PTPRT: variants seen among roughly 807,000 people sequenced by gnomAD.
PTPRT encodes the protein receptor-type tyrosine-protein phosphatase T.
In PTPRT, 56 loss-of-function variants were observed where a neutral mutation model predicts 176.8. The observed-to-expected ratio is 0.32, with a 90% CI of 0.26 to 0.40. PTPRT has a LOEUF of 0.40. PTPRT is among the 10% of genes least tolerant of loss of function. The probability of loss-of-function intolerance (pLI) is 1.00; values close to 1 mark genes in which losing one functional copy is unlikely to be tolerated. For synonymous variants in PTPRT, 783 were observed against 739.0 expected (o/e 1.06, Z -0.96); for missense variants, 1,540 against 1,908.2 (o/e 0.81, Z 3.60).
chr20:42,062,765 CTT>C, the PTPRT span, among the ~76,000 whole-genome samples: 11 of 152,164 alleles, frequency 7.2e-5, no homozygotes, highest in East Asian at 1.2e-3. Context: ...AATTTTCTCT[CTT>C]TGGTTGATTC....
intron 9 of PTPRT, among the ~76,000 whole-genome samples, chr20:42,426,987 C>A (rs368956586): frequency 6.6e-6 from 1 of 152,110 alleles, no homozygotes; most frequent in Non-Finnish European, 1.5e-5. Flanking sequence ...CAGTAGCTGT[C>A]AAACATGGTG....
Position 42,248,770 on chromosome 20 carries a change from G to T in PTPRT, c.2229C>A (p.Asn743Lys). Residue 743 changes from asparagine (N) to lysine (K), a missense_variant, in exon 14 of 31, where the codon AAC (asparagine) becomes AAA (lysine). This residue lies in a region of PTPRT where 255 missense variants were observed against 250.1 expected (regional missense o/e 1.02). Transcript: ENST00000373187. ...NTVEPEKQVD[N>K]TVKMAGVIAG... ...CGATCACGCCAGCCATCTTCACGGT[G>T]TTGTCCACCTGCTTCTCTGGCTCCA... is the stretch of plus-strand genomic sequence containing the variant. 2.5e-6 allele frequency: 4 copies of T among 1,614,084 alleles called. No individual in the cohort carries two copies. Among genetic ancestry groups the T allele is most frequent in the Non-Finnish European group, 3.4e-6 (4 of 1,179,976 alleles).
At chr20:43,113,807 G>A (rs1212068920) in intron 1 of PTPRT, among the ~76,000 whole-genome samples, 1 of 152,186 alleles carries the variant, frequency 6.6e-6, no homozygotes, top group Non-Finnish European at 1.5e-5. Flanking sequence ...TTTCATAACT[G>A]ATGCAAACAA....
intron 1 of PTPRT, among the ~76,000 whole-genome samples, chr20:43,036,274 G>A (rs552694028): frequency 2.0e-5 from 3 of 152,278 alleles, no homozygotes; most frequent in South Asian, 4.1e-4. Context: ...CAGCTGGAGT[G>A]CAGTGCTTAT....
chr20:43,189,618 C>T lies in PTPRT; in HGVS notation c.88+28G>A. 1 of 1,235,212 alleles carries T rather than the reference C, an allele frequency of 8.1e-7. No individual in the cohort carries two copies. The highest frequency in any genetic ancestry group is 3.1e-5 in the South Asian group (1 of 32,494). 76.5% of individuals were successfully genotyped at this position (1,235,212 alleles called of 1,614,324 possible). A position where few individuals can be genotyped will look rare whatever the true frequency, so the allele number is the denominator to read the frequency against. Reference sequence around the variant, plus strand: ...CGCGCATCCAGGAGGGAGCGGGGAGCCCAGGGGAGCCGGGCGGGCGCACTC... The same window carrying T: ...CGCGCATCCAGGAGGGAGCGGGGAGTCCAGGGGAGCCGGGCGGGCGCACTC... On this transcript the variant is annotated intron_variant, in intron 1 of 30. Transcript: ENST00000373187. This position sits in a 1 kb window ranked among gnomAD's most constrained non-coding sequence, Gnocchi z 5.0.
intron 5 of PTPRT, among the ~76,000 whole-genome samples, chr20:42,758,918 T>C (rs1035117300): frequency 1.3e-5 from 2 of 152,268 alleles, no homozygotes; most frequent in Non-Finnish European, 2.9e-5. Context: ...AGCTTCCTCA[T>C]GCCTTGAGGC....
chr20:42,400,337 T>C, intron 9 of PTPRT, among the ~76,000 whole-genome samples: 1 of 152,116 alleles, frequency 6.6e-6, no homozygotes, highest in East Asian at 1.9e-4. Context: ...ATTTTGATAA[T>C]TTTTATTAAG....
At chr20:42,051,511 G>C in the PTPRT span, among the ~76,000 whole-genome samples, 1 of 152,170 alleles carries the variant, frequency 6.6e-6, no homozygotes, top group African/African-American at 2.4e-5. Context: ...GGATTATTGA[G>C]ATGACAGACA....
chr20:42,754,599 T>C (rs1478440733), intron 6 of PTPRT, among the ~76,000 whole-genome samples: 2 of 152,228 alleles, frequency 1.3e-5, no homozygotes, highest in East Asian at 1.9e-4. Flanking sequence ...ATTAATCTTA[T>C]GGCATCAACA....
chr20:42,535,620 C>T (rs1328664131), intron 7 of PTPRT, among the ~76,000 whole-genome samples: 1 of 152,262 alleles, frequency 6.6e-6, no homozygotes, highest in African/African-American at 2.4e-5. Flanking sequence ...GTGGGGGCTA[C>T]CATCAGTGCT....
At chr20:42,826,478 A>G (rs555044956) in intron 2 of PTPRT, among the ~76,000 whole-genome samples, 1 of 152,326 alleles carries the variant, frequency 6.6e-6, no homozygotes, top group African/African-American at 2.4e-5. Context: ...TGACTATTTG[A>G]GTTAAATCTC....
intron 11 of PTPRT, among the ~76,000 whole-genome samples, chr20:42,349,969 C>G (rs191055464): frequency 6.6e-6 from 1 of 152,260 alleles, no homozygotes; most frequent in East Asian, 1.9e-4. Flanking sequence ...CTATGGGACT[C>G]CAGCACCCTA....
chr20:42,750,184 T>C (rs968026209), intron 6 of PTPRT, among the ~76,000 whole-genome samples: 18 of 152,190 alleles, frequency 1.2e-4, no homozygotes, highest in African/African-American at 4.3e-4. Flanking sequence ...ATATCATTCC[T>C]TTAATCCAGG....
chr20:42,710,801 A>C (rs1034344852), intron 6 of PTPRT, among the ~76,000 whole-genome samples: 1 of 152,220 alleles, frequency 6.6e-6, no homozygotes, highest in African/African-American at 2.4e-5. Flanking sequence ...GCCTGAAAAA[A>C]CAGAAGGTAC....
At chr20:42,771,367 T>C (rs1178976067) in intron 5 of PTPRT, 68 bp downstream of exon 5, 1 of 1,386,202 alleles carries the variant, frequency 7.2e-7, no homozygotes, top group African/African-American at 1.4e-5. Flanking sequence ...ATAGAGCTGC[T>C]TCCTTCCAGT....
chr20:43,164,250 G>A (rs1191690881), intron 1 of PTPRT, among the ~76,000 whole-genome samples: 1 of 152,294 alleles, frequency 6.6e-6, no homozygotes, highest in Non-Finnish European at 1.5e-5. Flanking sequence ...AGAGGATTCG[G>A]CACTGGCTTC....
At chr20:43,079,191 C>T (rs559594793) in intron 1 of PTPRT, among the ~76,000 whole-genome samples, 1 of 136,822 alleles carries the variant, frequency 7.3e-6, no homozygotes, top group African/African-American at 2.7e-5. Flanking sequence ...CCCCCCCAGC[C>T]CCCTCTCTCC....
chr20:42,675,846 G>C (rs1328341085), intron 7 of PTPRT, among the ~76,000 whole-genome samples: 1 of 152,240 alleles, frequency 6.6e-6, no homozygotes, highest in African/African-American at 2.4e-5. Flanking sequence ...GAACCAGGAA[G>C]TGGATCCTCT....
chr20:42,760,787 G>A (rs2076904333), intron 5 of PTPRT, among the ~76,000 whole-genome samples: 1 of 152,148 alleles, frequency 6.6e-6, no homozygotes, highest in Admixed American at 6.5e-5. Flanking sequence ...TTCTAGGGCT[G>A]ATATCCACTT....
Sources: gnomAD v4.1 joint callset for allele counts (sites outside exome capture counted in the v4.1 genomes callset) on GRCh38, gnomAD v4.1.1 for gene constraint, gnomAD v4.1.1 regional missense constraint, Gnocchi (gnomAD v3.1) non-coding constraint, MANE v1.5 for transcripts, NCBI Gene and HGNC (gene_info 2026-07-23, HGNC 2026-07-21) for gene names.